The following ADGRA2 variants were observed in gnomAD, a reference collection of about 807,000 sequenced individuals.
ADGRA2 encodes G-protein coupled receptor 124.
In ADGRA2, 61 loss-of-function variants were observed where a neutral mutation model predicts 98.7. That is an observed-to-expected ratio of 0.62 (90% CI 0.50 to 0.76). ADGRA2 has a LOEUF of 0.76. ADGRA2 is among the 30% of genes least tolerant of loss of function. The pLI is 0.00. For synonymous variants in ADGRA2, 858 were observed against 831.5 expected, an observed-to-expected ratio of 1.03 and a Z score of -0.55; for missense variants, 1,712 against 1,860.0, an observed-to-expected ratio of 0.92 and a Z score of 1.46.
In ADGRA2 at chr8:37,809,113, G is replaced by A. The variant is rs377231932; in HGVS notation, c.267-5783G>A. Among the ~76,000 whole-genome samples the A allele has an allele frequency of 2.0e-4, 31 of 152,184 alleles. No individual in the cohort carries two copies. The East Asian group carries it at 5.4e-3, about 27-fold the overall frequency. On this transcript the variant is annotated intron_variant, in intron 1 of 18. Transcript: ENST00000412232. ...GCTGGGATTATAGGCATGAGCCACC[G>A]CATCTAGCCTCTACAAAAACATTTT... is the stretch of plus-strand genomic sequence containing the variant.
rs1254553469 is a variant in ADGRA2 at position 37,831,427 on chromosome 8, C to A, written c.937C>A (p.Leu313Met). 6.2e-7 allele frequency: 1 copy of A among 1,610,626 alleles called. No homozygotes were observed. The highest frequency in any genetic ancestry group is 2.2e-5 in the East Asian group (1 of 44,880). Residue 313 changes from leucine to methionine, a missense_variant, in exon 8 of 19, where the codon CTG becomes ATG. By Grantham distance (15) the Leu-to-Met change is conservative. Coordinates refer to ENST00000412232, the MANE Select transcript of ADGRA2 (RefSeq NM_032777.10). ...AGCTCCACCTGCCACCCGCAGTGAGCTGACGCTGTCTCACATCGGCGTGTG... is the reference window on the plus strand; with the variant it reads ...AGCTCCACCTGCCACCCGCAGTGAGATGACGCTGTCTCACATCGGCGTGTG... ...IHDCTFITSELTLSHIGVWAS... is the reference protein window; with the variant it reads ...IHDCTFITSEMTLSHIGVWAS...
intron 3 of ADGRA2, 36 bp from the exon 4 acceptor site, chr8:37,829,225 G>A (rs117606427): frequency 5.7e-5 from 88 of 1,556,408 alleles, no homozygotes; most frequent in East Asian, 4.5e-4. Context: ...GTGCTGCCAC[G>A]TGGCCAACAT....
At chr8:37,828,982 AC>A in intron 3 of ADGRA2, 23 bp downstream of exon 3, 1 of 1,469,098 alleles carries the variant, frequency 6.8e-7, no homozygotes, top group Non-Finnish European at 9.2e-7. Flanking sequence ...CCCTCCCCTG[AC>A]CCCACCCCTC....
At position 37,841,340 on chromosome 8, in the gene ADGRA2, G is replaced by A; in HGVS notation, c.3002G>A (p.Gly1001Glu). Residue 1001 changes from glycine (G) to glutamate (E), a missense_variant, in exon 19 of 19, where the codon GGG (glycine) becomes GAG (glutamate). Physicochemically the swap from Gly to Glu is moderately conservative, Grantham distance 98. Transcript: ENST00000412232. This position sits in a 1 kb window ranked among gnomAD's most constrained non-coding sequence, Gnocchi z 5.0. ...SLLATGSARV[G>E]TPGPPEDGDS... is the part of the protein sequence containing the mutation. ...CTTGCTACTGGGAGCGCGCGAGTGG[G>A]GACGCCCGGGCCCCCGGAGGATGGT... 3 of 1,605,918 alleles carry A rather than the reference G, an allele frequency of 1.9e-6. No individual in the cohort carries two copies. The highest frequency in any genetic ancestry group is 2.5e-6 in the Non-Finnish European group (3 of 1,176,598).
chr8:37,841,047 TG>T lies in ADGRA2; in HGVS notation c.2748-38del. ...CCGGCCCCCAGCCCCACCCCAGCCA[TG>T]CCCCCTGTCCTCATCACTGCTTCTG... is the stretch of plus-strand genomic sequence containing the variant. On this transcript the variant is annotated intron_variant, in intron 18 of 18. Coordinates refer to ENST00000412232, the MANE Select transcript of ADGRA2 (RefSeq NM_032777.10). The surrounding 1 kb of genome is among the most constrained non-coding windows in gnomAD (Gnocchi z 5.0). 1.4e-6 allele frequency: 1 copy of T among 720,074 alleles called. No individual in the cohort carries two copies. Among genetic ancestry groups the T allele is most frequent in the Non-Finnish European group, 2.2e-6 (1 of 454,142 alleles). 44.6% of individuals were successfully genotyped at this position (720,074 alleles called of 1,614,324 possible).
rs58082798 is a variant in ADGRA2 at position 37,836,038 on chromosome 8, A to AACACACAC, written c.2050+321_2050+328dup. Among the ~76,000 whole-genome samples the AACACACAC allele has an allele frequency of 3.4e-3, 425 of 124,566 alleles. 2 individuals are homozygous for AACACACAC. The highest frequency in any genetic ancestry group is 9.0e-3 in the East Asian group (38 of 4,206). 81.7% of individuals were successfully genotyped at this position (124,566 alleles called of 152,430 possible). The stretch of plus-strand genomic sequence containing the variant: ...GAGGGCTATGAGCATAGCCCCCTCC[A>AACACACAC]ACACACACACACACACACACACACA... On this transcript the variant is annotated intron_variant, in intron 13 of 18. Coordinates refer to ENST00000412232, the MANE Select transcript of ADGRA2 (RefSeq NM_032777.10).
chr8:37,829,056 A>G, intron 3 of ADGRA2, 97 bp downstream of exon 3: 1 of 297,184 alleles, frequency 3.4e-6, no homozygotes, highest in Non-Finnish European at 4.2e-6. Context: ...TCACCCCCCC[A>G]CACCTGCCCC....
In ADGRA2 at chr8:37,844,881, T is replaced by C. The variant is rs1805923965; in HGVS notation, c.*2526T>C. On this transcript the variant is annotated 3_prime_UTR_variant, in exon 19 of 19. Coordinates refer to ENST00000412232, the MANE Select transcript of ADGRA2 (RefSeq NM_032777.10). Reference sequence around the variant, plus strand: ...ACCGATGTGCTTCACCACAGACCGTTTGTCAAGTCTCAGAACTCGTAACCA... The same window carrying C: ...ACCGATGTGCTTCACCACAGACCGTCTGTCAAGTCTCAGAACTCGTAACCA... 4 of 1,614,104 alleles carry C rather than the reference T, an allele frequency of 2.5e-6. No individual in the cohort carries two copies. Among genetic ancestry groups the C allele is most frequent in the Non-Finnish European group, 2.5e-6 (3 of 1,180,020 alleles).
Position 37,839,118 on chromosome 8 carries a change from C to A in ADGRA2, c.2387+35C>A, listed in dbSNP as rs775713760. 3 of 1,607,014 alleles carry A rather than the reference C, an allele frequency of 1.9e-6. No individual in the cohort carries two copies. In the South Asian group the frequency reaches 3.3e-5, roughly 18 times the overall value. ...CCTGCAGGAGGGAGGGCGTGGTGGG[C>A]AGGCATGGAAGGGGCCCCTACCCTG... On this transcript the variant is annotated intron_variant, in intron 15 of 18. Coordinates refer to ENST00000412232, the MANE Select transcript of ADGRA2 (RefSeq NM_032777.10).
Position 37,841,226 on chromosome 8 carries a change from G to T in ADGRA2, c.2888G>T (p.Ser963Ile), listed in dbSNP as rs1250938162. The T allele has an allele frequency of 9.3e-6, 15 of 1,613,458 alleles. No individual in the cohort carries two copies. The Admixed American group carries it at 2.5e-4, about 27-fold the overall frequency. Reference protein sequence around the residue: ...PLAQNPKAGNSRASLEAGEEL... With the variant: ...PLAQNPKAGNIRASLEAGEEL... ...GCACAGAACCCCAAGGCGGGCAACA[G>T]CAGGGCCTCCCTGGAGGCAGGGGAG... Residue 963 changes from serine to isoleucine, a missense_variant, in exon 19 of 19, where the codon AGC becomes ATC. By Grantham distance (142) the Ser-to-Ile change is moderately radical. Coordinates refer to ENST00000412232, the MANE Select transcript of ADGRA2 (RefSeq NM_032777.10). This position sits in a 1 kb window ranked among gnomAD's most constrained non-coding sequence, Gnocchi z 5.0.
chr8:37,823,195 T>C (rs1402839276), intron 2 of ADGRA2, among the ~76,000 whole-genome samples: 1 of 149,966 alleles, frequency 6.7e-6, no homozygotes, highest in Non-Finnish European at 1.5e-5. Context: ...CCAACCTTTT[T>C]TTTTTTTTTT....
At position 37,835,283 on chromosome 8, in the gene ADGRA2, C is replaced by T; in HGVS notation, c.1718C>T (p.Pro573Leu). 3 of 1,613,780 alleles carry T rather than the reference C, an allele frequency of 1.9e-6. No individual in the cohort carries two copies. The highest frequency in any genetic ancestry group is 2.5e-6 in the Non-Finnish European group (3 of 1,179,912). The stretch of plus-strand genomic sequence containing the variant: ...GAGGGAGGGGTGCCGGGCACACGGC[C>T]AGGAAGCCCTGGCCAGAACCCCCCA... ...RREGGVPGTRPGSPGQNPPPE... is the reference protein window; with the variant it reads ...RREGGVPGTRLGSPGQNPPPE... The change falls in exon 12 of 19, where the codon CCA (proline) becomes CTA (leucine). Residue 573 changes from proline (P) to leucine (L), a missense_variant. Transcript: ENST00000412232.
At chr8:37,812,140 T>C (rs906012099) in intron 1 of ADGRA2, among the ~76,000 whole-genome samples, 1 of 149,434 alleles carries the variant, frequency 6.7e-6, no homozygotes, top group Admixed American at 6.6e-5. Context: ...TAAAATGACA[T>C]GCACTTGCAA....
chr8:37,807,483 T>C (rs752227632), intron 1 of ADGRA2, among the ~76,000 whole-genome samples: 1 of 152,222 alleles, frequency 6.6e-6, no homozygotes, highest in Non-Finnish European at 1.5e-5. Context: ...TCATTAAGCA[T>C]TGGTTAATTT....
rs552470144 is a variant in ADGRA2 at position 37,802,277 on chromosome 8, C to T, written c.266+4743C>T. On this transcript the variant is annotated intron_variant, in intron 1 of 18. Coordinates refer to ENST00000412232, the MANE Select transcript of ADGRA2 (RefSeq NM_032777.10). The surrounding 1 kb of genome is among the most constrained non-coding windows in gnomAD (Gnocchi z 4.7). ...TGTGCCAAGCGTCGTGCACATGGCC[C>T]GAGGGCAGGACAAGGATGCTGGTGG... is the stretch of plus-strand genomic sequence containing the variant. Among the ~76,000 whole-genome samples, 5 of 152,184 alleles carry T rather than the reference C, an allele frequency of 3.3e-5. No individual in the cohort carries two copies. The highest frequency in any genetic ancestry group is 6.5e-5 in the Admixed American group (1 of 15,292).
At chr8:37,826,170 T>G (rs1274285933) in intron 2 of ADGRA2, among the ~76,000 whole-genome samples, 1 of 152,108 alleles carries the variant, frequency 6.6e-6, no homozygotes, top group Admixed American at 6.5e-5. Flanking sequence ...TGGCAGCCCA[T>G]GAAGGGAAGT....
At chr8:37,808,332 A>G (rs1435394923) in intron 1 of ADGRA2, among the ~76,000 whole-genome samples, 1 of 152,188 alleles carries the variant, frequency 6.6e-6, no homozygotes, top group African/African-American at 2.4e-5. Context: ...CAGGACATCT[A>G]CCTGGCTGGC....
At chr8:37,836,645 C>T (rs1440996671) in intron 13 of ADGRA2, among the ~76,000 whole-genome samples, 2 of 152,214 alleles carry the variant, frequency 1.3e-5, no homozygotes, top group East Asian at 3.8e-4. Flanking sequence ...TCTCTGGCCC[C>T]CACACCTCCA....
intron 7 of ADGRA2, among the ~76,000 whole-genome samples, 171 bp from the exon 8 acceptor site, chr8:37,831,251 TC>T (rs1193655997): frequency 6.6e-6 from 1 of 151,974 alleles, no homozygotes; most frequent in African/African-American, 2.4e-5. Flanking sequence ...AAATTGAAGC[TC>T]AAAAAAACAG....
Sources: gnomAD v4.1 joint callset for allele counts (sites outside exome capture counted in the v4.1 genomes callset) on GRCh38, gnomAD v4.1.1 for gene constraint, Gnocchi (gnomAD v3.1) non-coding constraint, MANE v1.5 for transcripts, NCBI Gene and HGNC (gene_info 2026-07-23, HGNC 2026-07-21) for gene names.